The following GNPTAB variants were observed in gnomAD, a reference collection of about 807,000 sequenced individuals.
GNPTAB encodes the protein N-acetylglucosamine-1-phosphate transferase subunits alpha and beta.
A neutral mutation model predicts 136.6 loss-of-function variants in GNPTAB; 92 were observed. That is an observed-to-expected ratio of 0.67 (90% confidence interval 0.57 to 0.80). GNPTAB has a LOEUF of 0.80. Ranked by LOEUF, GNPTAB falls within the 30% of genes least tolerant of loss-of-function variation. The pLI is 0.00. For missense variants in GNPTAB, 1,343 were observed against 1,501.8 expected, an observed-to-expected ratio of 0.89 and a Z score of 1.75; for synonymous variants, 512 against 535.1, an observed-to-expected ratio of 0.96 and a Z score of 0.60.
chr12:101,816,149 T>C lies in GNPTAB; in HGVS notation c.117+14410A>G, dbSNP rs183006462. ...ATCATCTGGGCAGAGACTTACGGAGTAAGACCTAAAGAGAATACACAGCCA... is the reference window on the plus strand; with the variant it reads ...ATCATCTGGGCAGAGACTTACGGAGCAAGACCTAAAGAGAATACACAGCCA... On this transcript the variant is annotated intron_variant, in intron 1 of 20. Coordinates refer to ENST00000299314, the MANE Select transcript of GNPTAB (RefSeq NM_024312.5). 9.9e-5 allele frequency among the ~76,000 whole-genome samples: 15 copies of C among 152,066 alleles called. No homozygotes were observed. In the East Asian group the frequency reaches 2.3e-3, roughly 23 times the overall value.
At chr12:101,816,720 G>A (rs951530932) in intron 1 of GNPTAB, among the ~76,000 whole-genome samples, 6 of 151,940 alleles carry the variant, frequency 3.9e-5, no homozygotes, top group Admixed American at 6.6e-5. Flanking sequence ...AAGGAAATCC[G>A]TATAATGAAG....
rs748716553 is a variant in GNPTAB at position 101,764,730 on chromosome 12, A to G, written c.2187T>C (p.Asn729=). The G allele has an allele frequency of 6.2e-7, 1 of 1,613,678 alleles. No individual in the cohort carries two copies. Among genetic ancestry groups the G allele is most frequent in the South Asian group, 1.1e-5 (1 of 91,032 alleles). ...EHGDITLKGY[N]LSKSALLRSF... is the part of the protein sequence containing the mutation. ...ATCTCAGCAAGGCTGACTTGGACAA[A>G]TTGTATCCTTTCAAAGTGATGTCTC... Residue 729 remains asparagine (N), a synonymous_variant, in exon 13 of 21, where the codon AAT becomes AAC. Coordinates refer to ENST00000299314, the MANE Select transcript of GNPTAB (RefSeq NM_024312.5).
chr12:101,755,387 G>T (rs1204600809), intron 18 of GNPTAB, among the ~76,000 whole-genome samples: 2 of 152,134 alleles, frequency 1.3e-5, no homozygotes, highest in African/African-American at 2.4e-5. Context: ...TTAAATTAAA[G>T]GATACTAAAG....
At chr12:101,780,350 G>A (rs1195209448) in intron 6 of GNPTAB, 64 bp from the exon 7 acceptor site, 7 of 1,529,860 alleles carry the variant, frequency 4.6e-6, no homozygotes, top group Admixed American at 1.7e-5. Context: ...ACCTACAGCT[G>A]AGAAAACTGG....
rs1952988471 is a variant in GNPTAB, at chr12:101,761,271, A to G, written c.2991T>C (p.Tyr997=). 1.2e-6 allele frequency: 2 copies of G among 1,614,208 alleles called. No homozygotes were observed. The highest frequency in any genetic ancestry group is 1.1e-5 in the South Asian group (1 of 91,090). The part of the protein sequence containing the change: ...HSEDMQFAFS[Y]FYYLMSAVQP... ...GCACTGCACTCATGAGATAATAAAA[A>G]TAAGAGAAGGCAAACTGCATATCCT... Residue 997 remains tyrosine, a synonymous_variant, in exon 15 of 21, where the codon TAT becomes TAC. Coordinates refer to ENST00000299314, the MANE Select transcript of GNPTAB (RefSeq NM_024312.5).
intron 1 of GNPTAB, 129 bp from the exon 2 acceptor site, chr12:101,796,891 C>A: frequency 1.5e-6 from 1 of 666,768 alleles, no homozygotes; most frequent in East Asian, 2.6e-5. Flanking sequence ...TATTCACTTA[C>A]TGCCTACCAC....
chr12:101,824,404 C>CTATATATATA (rs1566102959), intron 1 of GNPTAB, among the ~76,000 whole-genome samples: 18 of 56,438 alleles, frequency 3.2e-4, no homozygotes, highest in African/African-American at 1.3e-3. Flanking sequence ...AGAAATTTCA[C>CTATATATATA]CATATATATA....
Position 101,830,631 on chromosome 12 carries a change from G to A in GNPTAB, c.45C>T (p.Ser15=). 6.2e-7 allele frequency: 1 copy of A among 1,612,222 alleles called. No individual in the cohort carries two copies. The highest frequency in any genetic ancestry group is 8.5e-7 in the Non-Finnish European group (1 of 1,178,628). The change falls in exon 1 of 21, where the codon TCC becomes TCT. Residue 15 remains serine (S), a synonymous_variant. Transcript: ENST00000299314. ...AGCACACGTAGAGCCCATACCTGTGGGACAGGCAGGTATAGGTCTGTCTCT... is the reference window on the plus strand; with the variant it reads ...AGCACACGTAGAGCCCATACCTGTGAGACAGGCAGGTATAGGTCTGTCTCT... ...LLQRQTYTCL[S]HRYGLYVCFL... is the part of the protein sequence containing the mutation.
chr12:101,756,812 A>G (rs1358119755), intron 18 of GNPTAB: 1 of 176,416 alleles, frequency 5.7e-6, no homozygotes, highest in Non-Finnish European at 1.2e-5. Context: ...TTACGGTAGC[A>G]TTCCTTTTTC....
At chr12:101,797,415 A>G (rs888754858) in intron 1 of GNPTAB, among the ~76,000 whole-genome samples, 1 of 152,132 alleles carries the variant, frequency 6.6e-6, no homozygotes, top group Non-Finnish European at 1.5e-5. Context: ...CCCTGAGCTC[A>G]GGAGTTCGAG....
rs746188160 is a variant in GNPTAB at position 101,766,273 on chromosome 12, T to C, written c.1430A>G (p.Tyr477Cys). 11 of 1,613,758 alleles carry C rather than the reference T, an allele frequency of 6.8e-6. No homozygotes were observed. The highest frequency in any genetic ancestry group is 9.3e-6 in the Non-Finnish European group (11 of 1,179,692). ...DCSGNSGGSR[Y>C]IAGGGGTGSI... ...CCCAGTACCTCCACCTCCTGCAATA[T>C]AGCGACTCCCTCCACTGTTTCCTGT... Residue 477 changes from tyrosine to cysteine, a missense_variant, in exon 12 of 21, where the codon TAT (tyrosine) becomes TGT (cysteine). Tyr to Cys is a radical substitution (Grantham distance 194). Transcript: ENST00000299314.
intron 1 of GNPTAB, among the ~76,000 whole-genome samples, chr12:101,797,170 G>C (rs531678689): frequency 1.1e-4 from 17 of 152,238 alleles, no homozygotes; most frequent in Admixed American, 1.1e-3. Flanking sequence ...CCAGAAGACA[G>C]GTAGATAACT....
intron 1 of GNPTAB, among the ~76,000 whole-genome samples, chr12:101,826,146 T>A (rs1166507938): frequency 6.6e-6 from 1 of 152,206 alleles, no homozygotes; most frequent in Non-Finnish European, 1.5e-5. Context: ...AGTTTTCAAT[T>A]CTCCTTTTCA....
chr12:101,814,078 CAAA>C (rs34425945), intron 1 of GNPTAB, among the ~76,000 whole-genome samples: 10 of 135,064 alleles, frequency 7.4e-5, no homozygotes, highest in Non-Finnish European at 8.1e-5. Flanking sequence ...GACTCCATCT[CAAA>C]AAAAAAAAAA....
At chr12:101,757,702 AC>A (rs1222819189) in intron 16 of GNPTAB, 45 bp from the exon 17 acceptor site, 1 of 939,094 alleles carries the variant, frequency 1.1e-6, no homozygotes, top group Non-Finnish European at 1.8e-6. Flanking sequence ...CAGAGCTGAA[AC>A]TAGGGCAATT....
At chr12:101,829,585 G>A (rs1189890163) in intron 1 of GNPTAB, among the ~76,000 whole-genome samples, 1 of 151,912 alleles carries the variant, frequency 6.6e-6, no homozygotes, top group Non-Finnish European at 1.5e-5. Context: ...ATTAATCAAG[G>A]CCAAAAAAAT....
chr12:101,817,994 A>T (rs1012122883), intron 1 of GNPTAB, among the ~76,000 whole-genome samples: 2 of 152,164 alleles, frequency 1.3e-5, no homozygotes, highest in Non-Finnish European at 2.9e-5. Context: ...TTTCTTCAGG[A>T]TGAATTCACA....
chr12:101,819,244 T>C (rs972231737), intron 1 of GNPTAB, among the ~76,000 whole-genome samples: 4 of 152,158 alleles, frequency 2.6e-5, no homozygotes, highest in Non-Finnish European at 4.4e-5. Context: ...ACTCCTGACC[T>C]GAGGTGATCC....
intron 16 of GNPTAB, among the ~76,000 whole-genome samples, chr12:101,759,235 C>T (rs1012692660): frequency 6.6e-6 from 1 of 151,624 alleles, no homozygotes; most frequent in Non-Finnish European, 1.5e-5. Flanking sequence ...TGGTGGCGGG[C>T]GCCTGTAGTC....
Sources: allele counts gnomAD v4.1 joint callset (sites outside exome capture counted in the v4.1 genomes callset), GRCh38; gene constraint gnomAD v4.1.1; transcripts MANE v1.5; gene names NCBI Gene and HGNC (gene_info 2026-07-23, HGNC 2026-07-21).